DCLK2: variants seen among roughly 807,000 people sequenced by gnomAD.
DCLK2 encodes serine/threonine-protein kinase DCLK2.
Under a neutral mutation model 78.4 loss-of-function variants are expected in DCLK2, and 31 were observed. The observed-to-expected ratio is 0.40, with a 90% CI of 0.30 to 0.53. The LOEUF is 0.53. Among genes scored for constraint, DCLK2 ranks in the 20% least tolerant of loss-of-function variants. The pLI is 0.61. For missense variants in DCLK2, 872 were observed against 973.7 expected, an observed-to-expected ratio of 0.90 and a Z score of 1.39; for synonymous variants, 407 against 374.9, an observed-to-expected ratio of 1.09 and a Z score of -0.99.
intron 1 of DCLK2, among the ~76,000 whole-genome samples, chr4:150,093,096 AATC>A (rs2150141617): frequency 6.6e-6 from 1 of 152,368 alleles, no homozygotes; most frequent in African/African-American, 2.4e-5. Context: ...TAGGATACAA[AATC>A]ATCATACACA....
chr4:150,249,503 A>C (rs1310471991), intron 14 of DCLK2, 65 bp from the exon 15 acceptor site: 1 of 1,432,860 alleles, frequency 7.0e-7, no homozygotes, highest in African/African-American at 1.4e-5. Flanking sequence ...GGGACTCTTA[A>C]GGAAAAGACA....
At chr4:150,224,781 G>A (rs139264699) in intron 8 of DCLK2, among the ~76,000 whole-genome samples, 13 of 152,218 alleles carry the variant, frequency 8.5e-5, no homozygotes, top group African/African-American at 2.4e-4. Flanking sequence ...ACTAGAAAAC[G>A]TAGATTCTTT....
intron 2 of DCLK2, among the ~76,000 whole-genome samples, chr4:150,187,280 C>T (rs2126324557): frequency 6.6e-6 from 1 of 152,224 alleles, no homozygotes; most frequent in South Asian, 2.1e-4. Flanking sequence ...GTCTTCCTGC[C>T]TTGGCCTCCC....
chr4:150,093,880 A>G (rs1730275487), intron 1 of DCLK2, among the ~76,000 whole-genome samples: 1 of 152,244 alleles, frequency 6.6e-6, no homozygotes, highest in African/African-American at 2.4e-5. Flanking sequence ...ACAATGTAAC[A>G]GAACCAAGAG....
chr4:150,089,065 G>T, intron 1 of DCLK2, among the ~76,000 whole-genome samples: 2 of 141,946 alleles, frequency 1.4e-5, no homozygotes, highest in Non-Finnish European at 3.1e-5. Flanking sequence ...GATACTCATA[G>T]GGTAATGCAG....
intron 15 of DCLK2, 140 bp downstream of exon 15, chr4:150,249,824 A>AG (rs1156807557): frequency 1.4e-6 from 1 of 728,320 alleles, no homozygotes; most frequent in Admixed American, 2.0e-5. Context: ...TGGCATGTGG[A>AG]GGGCACTCAT....
rs866957050 is a variant in DCLK2, at chr4:150,172,770, G to T, written c.757-20368G>T. ...TGTTCTTTTTTTTTTTGGGGGGGGG[G>T]GGGATACCTTGCTCTTTCTCATCTT... is the stretch of plus-strand genomic sequence containing the variant. On this transcript the variant is annotated intron_variant, in intron 2 of 15. Coordinates refer to ENST00000296550, the MANE Select transcript of DCLK2 (RefSeq NM_001040260.4). Among the ~76,000 whole-genome samples, 133 of 143,186 alleles carry T rather than the reference G, an allele frequency of 9.3e-4. 2 individuals are homozygous for T. In the Middle Eastern group the frequency reaches 0.011, roughly 11 times the overall value. 93.9% of individuals were successfully genotyped at this position (143,186 alleles called of 152,430 possible).
chr4:150,148,529 A>G (rs944627713), intron 2 of DCLK2, among the ~76,000 whole-genome samples: 3 of 152,150 alleles, frequency 2.0e-5, no homozygotes, highest in Non-Finnish European at 2.9e-5. Flanking sequence ...CCTCCTGAGT[A>G]GCTAGGAGTA....
At chr4:150,214,700 A>G (rs528060282) in intron 5 of DCLK2, among the ~76,000 whole-genome samples, 2 of 152,250 alleles carry the variant, frequency 1.3e-5, no homozygotes, top group East Asian at 3.9e-4. Context: ...GATGGCTCAC[A>G]CCTGTAAACT....
At chr4:150,112,920 C>T (rs948112623) in intron 2 of DCLK2, among the ~76,000 whole-genome samples, 1 of 149,856 alleles carries the variant, frequency 6.7e-6, no homozygotes, top group Admixed American at 6.8e-5. Context: ...AAGAGATTCT[C>T]GTGCCTCAGC....
intron 2 of DCLK2, among the ~76,000 whole-genome samples, chr4:150,156,568 G>A (rs1455427972): frequency 6.6e-6 from 1 of 151,696 alleles, no homozygotes; most frequent in African/African-American, 2.4e-5. Context: ...CTACTCTGAA[G>A]CCTGAGGTGG....
chr4:150,249,837 G>A (rs1459317926), intron 15 of DCLK2, among the ~76,000 whole-genome samples, 153 bp downstream of exon 15: 5 of 152,158 alleles, frequency 3.3e-5, no homozygotes, highest in Non-Finnish European at 7.3e-5. Context: ...GCACTCATTC[G>A]GCAACTCCCA....
chr4:150,118,007 A>G (rs1350411484), intron 2 of DCLK2, among the ~76,000 whole-genome samples: 1 of 152,180 alleles, frequency 6.6e-6, no homozygotes, highest in Non-Finnish European at 1.5e-5. Context: ...ACAGTGGGGA[A>G]ATTGAGGCCA....
chr4:150,243,160 T>A (rs774223007), intron 12 of DCLK2, among the ~76,000 whole-genome samples: 3 of 152,236 alleles, frequency 2.0e-5, no homozygotes, highest in Non-Finnish European at 2.9e-5. Context: ...AGAGGATGCA[T>A]TTATCATGGA....
chr4:150,165,872 G>C (rs1187717535), intron 2 of DCLK2, among the ~76,000 whole-genome samples: 1 of 152,340 alleles, frequency 6.6e-6, no homozygotes, highest in East Asian at 1.9e-4. Flanking sequence ...CTCATGAATG[G>C]ACTGTCATTG....
Position 150,208,835 on chromosome 4 carries a change from A to G in DCLK2, c.1056+4946A>G, listed in dbSNP as rs867636720. On this transcript the variant is annotated intron_variant, in intron 5 of 15. Coordinates refer to ENST00000296550, the MANE Select transcript of DCLK2 (RefSeq NM_001040260.4). The stretch of plus-strand genomic sequence containing the variant: ...CTTTAGTACAATAACAGAGTTCACA[A>G]TAGTTTAGCGTTTTTGGTTTTCTTT... Among the ~76,000 whole-genome samples the G allele has an allele frequency of 6.6e-5, 10 of 152,246 alleles. No individual in the cohort carries two copies. The South Asian group carries it at 1.7e-3, about 25-fold the overall frequency.
intron 11 of DCLK2, 95 bp downstream of exon 11, chr4:150,239,970 G>C (rs1580780380): frequency 7.2e-7 from 1 of 1,381,630 alleles, no homozygotes; most frequent in Admixed American, 2.6e-5. Flanking sequence ...TGGTAAGAAA[G>C]GTCTGTTTTG....
chr4:150,160,054 G>T (rs1018837461), intron 2 of DCLK2, among the ~76,000 whole-genome samples: 1 of 149,540 alleles, frequency 6.7e-6, no homozygotes, highest in African/African-American at 2.5e-5. Flanking sequence ...TTAGTCTGTC[G>T]TCCAGGGTGG....
At chr4:150,083,740 G>A (rs1729458498) in intron 1 of DCLK2, among the ~76,000 whole-genome samples, 1 of 152,154 alleles carries the variant, frequency 6.6e-6, no homozygotes, top group African/African-American at 2.4e-5. Flanking sequence ...CATGGTGATT[G>A]GACTTGGAAA....
Sources: gnomAD v4.1 joint callset for allele counts (sites outside exome capture counted in the v4.1 genomes callset) on GRCh38, gnomAD v4.1.1 for gene constraint, MANE v1.5 for transcripts, NCBI Gene and HGNC (gene_info 2026-07-23, HGNC 2026-07-21) for gene names.